The following TESC variants were observed in gnomAD, a reference collection of about 807,000 sequenced individuals.
The protein encoded by TESC is tescalcin.
In TESC, 19 loss-of-function variants were observed where a neutral mutation model predicts 31.0. That is an observed-to-expected ratio of 0.61 (90% CI 0.43 to 0.90). TESC has a LOEUF of 0.90. Ranked by LOEUF, TESC falls within the 40% of genes least tolerant of loss-of-function variation. TESC has a pLI of 0.00. For missense variants in TESC, 248 were observed against 303.8 expected (o/e 0.82, Z 1.36); for synonymous variants, 109 against 114.8 (o/e 0.95, Z 0.32).
intron 1 of TESC, among the ~76,000 whole-genome samples, chr12:117,075,873 GTGTATATATATA>G (rs1379281751): frequency 1.8e-4 from 4 of 22,222 alleles, no homozygotes; most frequent in African/African-American, 1.7e-4. Context: ...ATATATATGT[GTGTATATATATA>G]TATATATATA....
chr12:117,095,229 C>T (rs1394660562), intron 1 of TESC, among the ~76,000 whole-genome samples: 1 of 146,764 alleles, frequency 6.8e-6, no homozygotes, highest in East Asian at 2.0e-4. Flanking sequence ...CGTCTGCCAC[C>T]GCGCACAGCT....
At chr12:117,094,908 C>A (rs1205725814) in intron 1 of TESC, among the ~76,000 whole-genome samples, 4 of 150,866 alleles carry the variant, frequency 2.7e-5, no homozygotes, top group African/African-American at 9.7e-5. Context: ...CCCAGCTACT[C>A]ACGAGGCTGA....
chr12:117,068,625 T>C (rs954891309), intron 2 of TESC, among the ~76,000 whole-genome samples: 1 of 152,218 alleles, frequency 6.6e-6, no homozygotes, highest in East Asian at 1.9e-4. Context: ...TATCAGAACA[T>C]GGGGCTGCAC....
chr12:117,045,751 G>C (rs1954548457), intron 6 of TESC, among the ~76,000 whole-genome samples: 1 of 152,216 alleles, frequency 6.6e-6, no homozygotes, highest in African/African-American at 2.4e-5. Flanking sequence ...GGTGTCTAGA[G>C]ACGCAGCCAC....
At chr12:117,046,249 G>C (rs2135748722) in intron 6 of TESC, among the ~76,000 whole-genome samples, 1 of 152,236 alleles carries the variant, frequency 6.6e-6, no homozygotes, top group South Asian at 2.1e-4. Flanking sequence ...CTGGCCCCAG[G>C]GTCAAGTGCT....
chr12:117,097,237 C>T lies in TESC; in HGVS notation c.58+1988G>A, dbSNP rs548527206. Among the ~76,000 whole-genome samples the T allele has an allele frequency of 6.6e-5, 10 of 152,354 alleles. No individual in the cohort carries two copies. In the East Asian group the frequency reaches 1.9e-3, roughly 29 times the overall value. The stretch of plus-strand genomic sequence containing the variant: ...TAACCTCAGAACCTCCTCTCCGACC[C>T]TCTCCATCTCCCTTGGGTTATGAAG... On this transcript the variant is annotated intron_variant, in intron 1 of 7. Coordinates refer to ENST00000335209, the MANE Select transcript of TESC (RefSeq NM_017899.4).
At chr12:117,085,047 C>G (rs1193235449) in intron 1 of TESC, among the ~76,000 whole-genome samples, 1 of 152,238 alleles carries the variant, frequency 6.6e-6, no homozygotes, top group Non-Finnish European at 1.5e-5. Context: ...GCTGCTTCAG[C>G]TGGCCAAGGG....
intron 3 of TESC, among the ~76,000 whole-genome samples, chr12:117,053,242 G>A (rs1376358157): frequency 6.6e-6 from 1 of 152,244 alleles, no homozygotes; most frequent in Non-Finnish European, 1.5e-5. Flanking sequence ...AGGAGGAGGA[G>A]GCTACTGCCT....
At chr12:117,095,200 G>A (rs866916670) in intron 1 of TESC, among the ~76,000 whole-genome samples, 140 of 151,810 alleles carry the variant, frequency 9.2e-4, no homozygotes, top group African/African-American at 2.8e-3. Context: ...TCAGCCTCCC[G>A]AGTAGCTGGG....
At chr12:117,039,901 C>T (rs146110713) in intron 7 of TESC, among the ~76,000 whole-genome samples, 2 of 152,244 alleles carry the variant, frequency 1.3e-5, no homozygotes, top group South Asian at 4.1e-4. Context: ...ATGTATGTAC[C>T]CCAGTGCTCC....
intron 3 of TESC, among the ~76,000 whole-genome samples, chr12:117,052,254 C>T (rs1954658342): frequency 6.6e-6 from 1 of 152,194 alleles, no homozygotes; most frequent in Admixed American, 6.5e-5. Flanking sequence ...TGGGGATGGC[C>T]TCTGCTCAAA....
Position 117,064,957 on chromosome 12 carries a change from A to G in TESC, c.129-8071T>C, listed in dbSNP as rs1374397438. 2.0e-5 allele frequency among the ~76,000 whole-genome samples: 3 copies of G among 152,080 alleles called. 1 individual carries two copies. Among genetic ancestry groups the G allele is most frequent in the Non-Finnish European group, 4.4e-5 (3 of 68,042 alleles). ...AAAAACCCTGCTCTAGGGGAAAAGC[A>G]TTCTAAGAAGAAGGAACAGCATGAG... On this transcript the variant is annotated intron_variant, in intron 2 of 7. Transcript: ENST00000335209.
At chr12:117,094,615 T>C (rs1296416480) in intron 1 of TESC, among the ~76,000 whole-genome samples, 1 of 152,098 alleles carries the variant, frequency 6.6e-6, no homozygotes, top group Non-Finnish European at 1.5e-5. Context: ...CCAGGAGCGC[T>C]GAGGATGGGT....
chr12:117,090,548 A>G (rs1431790726), intron 1 of TESC, among the ~76,000 whole-genome samples: 1 of 152,218 alleles, frequency 6.6e-6, no homozygotes, highest in Non-Finnish European at 1.5e-5. Flanking sequence ...CATTCAGTGA[A>G]ACAGGTTCTA....
chr12:117,048,828 G>T, intron 4 of TESC, 191 bp downstream of exon 4: 1 of 861,036 alleles, frequency 1.2e-6, no homozygotes, highest in Non-Finnish European at 1.9e-6. Context: ...GGAATGTTTA[G>T]GATGAAGGTG....
At chr12:117,098,903 C>T (rs924849823) in intron 1 of TESC, among the ~76,000 whole-genome samples, 25 of 151,956 alleles carry the variant, frequency 1.6e-4, no homozygotes, top group Admixed American at 1.2e-3. Context: ...GCCTGAGGGA[C>T]TTGCCCGCCC....
intron 3 of TESC, among the ~76,000 whole-genome samples, chr12:117,056,306 C>T (rs1248062685): frequency 6.8e-6 from 1 of 145,988 alleles, no homozygotes; most frequent in Admixed American, 6.7e-5. Context: ...ATCCACCCAC[C>T]TTGGCCTCCC....
Position 117,075,943 on chromosome 12 carries a change from A to G in TESC, c.59-603T>C, listed in dbSNP as rs1470396105. 1.4e-3 allele frequency among the ~76,000 whole-genome samples: 133 copies of G among 93,524 alleles called. 4 individuals carry two copies. The highest frequency in any genetic ancestry group is 2.2e-3 in the Non-Finnish European group (105 of 47,978). 61.4% of individuals were successfully genotyped at this position (93,524 alleles called of 152,430 possible). ...TGTGTGTATATATATATATATATGTATATATACATATATATATATATATGT... is the reference window on the plus strand; with the variant it reads ...TGTGTGTATATATATATATATATGTGTATATACATATATATATATATATGT... On this transcript the variant is annotated intron_variant, in intron 1 of 7. Coordinates refer to ENST00000335209, the MANE Select transcript of TESC (RefSeq NM_017899.4).
chr12:117,085,987 C>T (rs551081358), intron 1 of TESC, among the ~76,000 whole-genome samples: 135 of 152,118 alleles, frequency 8.9e-4, no homozygotes, highest in Non-Finnish European at 9.8e-4. Context: ...TAAAGCAATA[C>T]AAAAGGAGGC....
Sources: gnomAD v4.1 joint callset for allele counts (sites outside exome capture counted in the v4.1 genomes callset) on GRCh38, gnomAD v4.1.1 for gene constraint, MANE v1.5 for transcripts, NCBI Gene and HGNC (gene_info 2026-07-23, HGNC 2026-07-21) for gene names.